USP34: variants seen among roughly 807,000 people sequenced by gnomAD.
USP34 encodes ubiquitin specific peptidase 34, also known as ubiquitin carboxyl-terminal hydrolase 34.
A neutral mutation model predicts 460.3 loss-of-function variants in USP34; 70 were observed. The observed-to-expected ratio is 0.15, with a 90% confidence interval of 0.13 to 0.19. The LOEUF is 0.19. Ranked by LOEUF, USP34 falls within the 10% of genes least tolerant of loss-of-function variation. The pLI, the probability that USP34 is intolerant of heterozygous loss-of-function variation, is 1.00. For missense variants in USP34, 3,985 were observed against 4,236.2 expected (o/e 0.94, Z 1.65); for synonymous variants, 1,647 against 1,405.3 (o/e 1.17, Z -3.85).
intron 28 of USP34, 29 bp from the exon 29 acceptor site, chr2:61,301,189 C>A: frequency 6.4e-7 from 1 of 1,570,890 alleles, no homozygotes; most frequent in Non-Finnish European, 8.6e-7. Context: ...AAAATTTATG[C>A]ATATCAAGCT....
At chr2:61,431,434 CCA>C (rs1407726402) in intron 1 of USP34, among the ~76,000 whole-genome samples, 2 of 152,118 alleles carry the variant, frequency 1.3e-5, no homozygotes, top group Non-Finnish European at 2.9e-5. Context: ...GCTGTGTTGC[CCA>C]CACTGGTCAC....
intron 5 of USP34, among the ~76,000 whole-genome samples, chr2:61,388,648 C>G (rs1693244057): frequency 6.6e-6 from 1 of 151,796 alleles, no homozygotes; most frequent in South Asian, 2.1e-4. Flanking sequence ...CCCAGCTACT[C>G]AGGAGGCTGA....
chr2:61,370,801 G>A (rs966955248), intron 8 of USP34, among the ~76,000 whole-genome samples: 3 of 152,136 alleles, frequency 2.0e-5, no homozygotes, highest in African/African-American at 7.2e-5. Context: ...ACGAATAACT[G>A]AAAAGGTAAC....
At chr2:61,402,706 C>G (rs1435907708) in intron 3 of USP34, among the ~76,000 whole-genome samples, 1 of 152,062 alleles carries the variant, frequency 6.6e-6, no homozygotes, top group Non-Finnish European at 1.5e-5. Flanking sequence ...AAATCAAAAT[C>G]AAAGGCTTAA....
intron 1 of USP34, among the ~76,000 whole-genome samples, chr2:61,464,216 G>C (rs181190180): frequency 6.6e-6 from 1 of 152,242 alleles, no homozygotes; most frequent in East Asian, 1.9e-4. Flanking sequence ...CTACTCAGGA[G>C]GATGAGGCAG....
chr2:61,288,814 C>A lies in USP34; in HGVS notation c.4612G>T (p.Asp1538Tyr), dbSNP rs747162879. ...ACATCATGATAAGCTAAATCCAAAT[C>A]GGATGGATCTACTGCAAACTGGCAT... ...LICQFAVDPS[D>Y]LDLAYHDVFA... is the part of the protein sequence containing the mutation. Residue 1538 changes from aspartate (D) to tyrosine (Y), a missense_variant, in exon 34 of 80, where the codon GAT becomes TAT. By Grantham distance (160) the Asp-to-Tyr change is radical. Coordinates refer to ENST00000398571, the MANE Select transcript of USP34 (RefSeq NM_014709.4). The A allele has an allele frequency of 1.2e-6, 2 of 1,613,830 alleles. No homozygotes were observed. The highest frequency in any genetic ancestry group is 2.2e-5 in the South Asian group (2 of 91,082).
chr2:61,347,883 G>C lies in USP34; in HGVS notation c.2272C>G (p.His758Asp). The change falls in exon 15 of 80, where the codon CAC (histidine) becomes GAC (aspartate). Residue 758 changes from histidine to aspartate, a missense_variant. This residue lies in a region of USP34 where 716 missense variants were observed against 626.2 expected (regional missense o/e 1.14). Transcript: ENST00000398571. ...AAGTAGGCTTACCCATCGTGGTGGT[G>C]GTGATGGTGGTGGTGGTGGTGGTGA... Reference protein sequence around the residue: ...QHHHHHHHHHHHHDGHMVDDM... With the variant: ...QHHHHHHHHHDHHDGHMVDDM... The C allele has an allele frequency of 1.2e-6, 2 of 1,612,950 alleles. No homozygotes were observed. The highest frequency in any genetic ancestry group is 1.7e-6 in the Non-Finnish European group (2 of 1,179,180).
In USP34 at chr2:61,187,739, A is replaced by C; in HGVS notation, c.*363T>G. 2 of 501,192 alleles carry C rather than the reference A, an allele frequency of 4.0e-6. No homozygotes were observed. Among genetic ancestry groups the C allele is most frequent in the Non-Finnish European group, 5.4e-6 (2 of 370,744 alleles). The allele number at this position is 501,192 out of a possible 1,614,324, so 31.0% of individuals were successfully genotyped here. ...GAGGCAATCTGCCTCTATAAGGTAC[A>C]AAACTGGCACAGAGGACACCATATC... On this transcript the variant is annotated 3_prime_UTR_variant, in exon 80 of 80. Coordinates refer to ENST00000398571, the MANE Select transcript of USP34 (RefSeq NM_014709.4).
In USP34 at chr2:61,311,573, A is replaced by G; in HGVS notation, c.3784T>C (p.Phe1262Leu). Residue 1262 changes from phenylalanine to leucine, a missense_variant, in exon 27 of 80, where the codon TTT (phenylalanine) becomes CTT (leucine). Phe to Leu is a conservative substitution (Grantham distance 22). Coordinates refer to ENST00000398571, the MANE Select transcript of USP34 (RefSeq NM_014709.4). ...QINQQAQLQE[F>L]GQSNRKGEFP... Reference sequence around the variant, plus strand: ...TCTCCTTTTCGGTTGCTTTGACCAAACTCCTGAAGCTGAGCTTGTTGATTT... The same window carrying G: ...TCTCCTTTTCGGTTGCTTTGACCAAGCTCCTGAAGCTGAGCTTGTTGATTT... 2 of 1,607,980 alleles carry G rather than the reference A, an allele frequency of 1.2e-6. No individual in the cohort carries two copies. Among genetic ancestry groups the G allele is most frequent in the South Asian group, 2.2e-5 (2 of 89,166 alleles).
chr2:61,432,332 T>C (rs1484055964), intron 1 of USP34, among the ~76,000 whole-genome samples: 2 of 152,100 alleles, frequency 1.3e-5, no homozygotes, highest in Non-Finnish European at 2.9e-5. Flanking sequence ...AAAAATTAGC[T>C]GGGCATAATA....
chr2:61,395,769 G>A (rs1340459258), intron 3 of USP34, among the ~76,000 whole-genome samples: 1 of 98,518 alleles, frequency 1.0e-5, no homozygotes, highest in Non-Finnish European at 1.8e-5. Flanking sequence ...CTGGGCGACA[G>A]AACGAGACTC....
At chr2:61,352,567 A>G (rs561870230) in intron 10 of USP34, among the ~76,000 whole-genome samples, 5 of 151,906 alleles carry the variant, frequency 3.3e-5, no homozygotes, top group Admixed American at 3.3e-4. Flanking sequence ...AGCTCAAGTG[A>G]TCCTCTTGCC....
chr2:61,265,802 A>C, intron 42 of USP34, 182 bp downstream of exon 42: 1 of 704,906 alleles, frequency 1.4e-6, no homozygotes, highest in African/African-American at 1.8e-5. Context: ...CGAAGTATTT[A>C]AAATGCATAT....
At position 61,188,526 on chromosome 2, in the gene USP34, G is replaced by A. The variant is rs907624874; in HGVS notation, c.10217C>T (p.Ser3406Phe). The A allele has an allele frequency of 1.2e-6, 2 of 1,614,106 alleles. No homozygotes were observed. The highest frequency in any genetic ancestry group is 1.7e-6 in the Non-Finnish European group (2 of 1,180,054). ...IDPGTEQDLP[S>F]PENSSVKEYR... ...TTCTTTAACAGAACTATTTTCAGGG[G>A]AAGGAAGATCTTGCTCAGTTCCTGG... Residue 3406 changes from serine to phenylalanine, a missense_variant, in exon 80 of 80, where the codon TCC (serine) becomes TTC (phenylalanine). Around this residue, in one of 14 missense-constraint regions of USP34, gnomAD observed 506 missense variants for 439.0 expected, o/e 1.15. Coordinates refer to ENST00000398571, the MANE Select transcript of USP34 (RefSeq NM_014709.4).
intron 10 of USP34, among the ~76,000 whole-genome samples, chr2:61,359,792 T>G (rs1039835904): frequency 5.4e-4 from 79 of 146,142 alleles, no homozygotes; most frequent in African/African-American, 2.0e-3. Flanking sequence ...TTTTTTTTTT[T>G]TTTTTTTTTT....
chr2:61,398,002 G>A (rs569527824), intron 3 of USP34, among the ~76,000 whole-genome samples: 1 of 152,180 alleles, frequency 6.6e-6, no homozygotes, highest in East Asian at 1.9e-4. Flanking sequence ...GCTTGGGGGA[G>A]GGGGGTTGCA....
intron 21 of USP34, among the ~76,000 whole-genome samples, chr2:61,323,957 G>A (rs1358547648): frequency 6.6e-6 from 1 of 151,832 alleles, no homozygotes; most frequent in Non-Finnish European, 1.5e-5. Flanking sequence ...CAAATAGTTT[G>A]AAAAGAAAAA....
intron 43 of USP34, among the ~76,000 whole-genome samples, chr2:61,264,270 TAATA>T (rs202033845): frequency 0.018 from 2,731 of 152,228 alleles, 29 homozygotes; most frequent in Non-Finnish European, 0.024. Context: ...AACTTAAACA[TAATA>T]AATAATTCAG....
At chr2:61,432,791 G>C (rs920344869) in intron 1 of USP34, among the ~76,000 whole-genome samples, 1 of 151,150 alleles carries the variant, frequency 6.6e-6, no homozygotes, top group Non-Finnish European at 1.5e-5. Flanking sequence ...GGGTACATAA[G>C]TGTTCACTGC....
Sources: allele counts gnomAD v4.1 joint callset (sites outside exome capture counted in the v4.1 genomes callset), GRCh38; gene constraint gnomAD v4.1.1; regional missense constraint gnomAD v4.1.1; transcripts MANE v1.5; gene names NCBI Gene and HGNC (gene_info 2026-07-23, HGNC 2026-07-21).